The following PTPN12 variants were observed in gnomAD, a reference collection of about 807,000 sequenced individuals.
The protein encoded by PTPN12 is tyrosine-protein phosphatase non-receptor type 12.
PTPN12 carries 29 observed loss-of-function variants against 97.6 expected under a neutral mutation model. The observed-to-expected ratio is 0.30, with a 90% confidence interval of 0.22 to 0.41. The LOEUF (loss-of-function observed/expected upper bound fraction) is 0.41. PTPN12 is among the 10% of genes least tolerant of loss of function. The probability of loss-of-function intolerance (pLI) is 1.00; values close to 1 mark genes in which losing one functional copy is unlikely to be tolerated. For synonymous variants in PTPN12, 327 were observed against 300.4 expected, an observed-to-expected ratio of 1.09 and a Z score of -0.91; for missense variants, 819 against 926.0, an observed-to-expected ratio of 0.88 and a Z score of 1.50.
intron 1 of PTPN12, among the ~76,000 whole-genome samples, chr7:77,548,732 C>G (rs931895675): frequency 3.9e-5 from 6 of 152,134 alleles, no homozygotes; most frequent in Non-Finnish European, 8.8e-5. Context: ...TGGTTGCAGC[C>G]TACTTCCAAA....
intron 1 of PTPN12, among the ~76,000 whole-genome samples, chr7:77,543,901 T>G (rs1807103060): frequency 6.6e-6 from 1 of 152,248 alleles, no homozygotes; most frequent in Non-Finnish European, 1.5e-5. Context: ...ACATTTTGTT[T>G]ATCCATTCAT....
chr7:77,578,298 ATAT>A lies in PTPN12; in HGVS notation c.209-3127_209-3125del, dbSNP rs578017832. ...CAGCCATCATTATCCTAACCACTGA[ATAT>A]TCTATTCTCATTTTCCAGAGTCATA... On this transcript the variant is annotated intron_variant, in intron 2 of 17. Transcript: ENST00000248594. Among the ~76,000 whole-genome samples, 31 of 152,276 alleles carry A rather than the reference ATAT, an allele frequency of 2.0e-4. No individual in the cohort carries two copies. The East Asian group carries it at 4.2e-3, about 21-fold the overall frequency.
At chr7:77,555,292 C>T (rs1301347925) in intron 1 of PTPN12, among the ~76,000 whole-genome samples, 1 of 148,410 alleles carries the variant, frequency 6.7e-6, no homozygotes, top group Admixed American at 6.8e-5. Flanking sequence ...GATCAGTGTT[C>T]TCTGAGCTGC....
At chr7:77,556,228 G>T (rs949142847) in intron 1 of PTPN12, among the ~76,000 whole-genome samples, 1 of 151,876 alleles carries the variant, frequency 6.6e-6, no homozygotes, top group African/African-American at 2.4e-5. Flanking sequence ...GCCTGGCTAA[G>T]TTTTCATATT....
chr7:77,542,942 A>C (rs775273879), intron 1 of PTPN12, among the ~76,000 whole-genome samples: 1 of 152,172 alleles, frequency 6.6e-6, no homozygotes, highest in Non-Finnish European at 1.5e-5. Context: ...TATTCCAACA[A>C]ACTTATAGAG....
At chr7:77,546,662 G>A (rs1819814) in intron 1 of PTPN12, among the ~76,000 whole-genome samples, 33,235 of 152,110 alleles carry the variant, frequency 0.22, 4,673 homozygotes, top group East Asian at 0.7. Context: ...GACTGTATTA[G>A]TCCATTTTCA....
rs79424579 is a variant in PTPN12 at position 77,562,949 on chromosome 7, T to C, written c.100-8129T>C. On this transcript the variant is annotated intron_variant, in intron 1 of 17. Coordinates refer to ENST00000248594, the MANE Select transcript of PTPN12 (RefSeq NM_002835.4). ...AGAAAAAAATCATTTGCTTATTGTC[T>C]AGGCTATGCAAAAAAAAAAAAAGAA... is the stretch of plus-strand genomic sequence containing the variant. 3.7e-3 allele frequency among the ~76,000 whole-genome samples: 428 copies of C among 115,988 alleles called. 4 individuals are homozygous for C. Among genetic ancestry groups the C allele is most frequent in the African/African-American group, 0.016 (418 of 25,766 alleles). The allele number at this position is 115,988 out of a possible 152,430, so 76.1% of individuals were successfully genotyped here.
Position 77,639,373 on chromosome 7 carries a change from C to A in PTPN12, c.*93C>A. 2.0e-6 allele frequency: 2 copies of A among 1,018,572 alleles called. No homozygotes were observed. Among genetic ancestry groups the A allele is most frequent in the Non-Finnish European group, 3.0e-6 (2 of 669,392 alleles). 63.1% of individuals were successfully genotyped at this position (1,018,572 alleles called of 1,614,324 possible). ...AGTATTCCATCTTTAATATGTGGGACTAACAGCAGTGTAGATTGTTACCTT... is the reference window on the plus strand; with the variant it reads ...AGTATTCCATCTTTAATATGTGGGAATAACAGCAGTGTAGATTGTTACCTT... On this transcript the variant is annotated 3_prime_UTR_variant, in exon 18 of 18. Transcript: ENST00000248594.
chr7:77,613,492 A>G (rs1044653461), intron 11 of PTPN12, among the ~76,000 whole-genome samples: 1 of 151,880 alleles, frequency 6.6e-6, no homozygotes, highest in African/African-American at 2.4e-5. Context: ...ACTTTAATTG[A>G]AAAGCATTTC....
chr7:77,603,002 A>AATGCTCAT (rs1221837571), intron 8 of PTPN12, among the ~76,000 whole-genome samples: 1 of 152,222 alleles, frequency 6.6e-6, no homozygotes, highest in African/African-American at 2.4e-5. Flanking sequence ...GTTTGACCGT[A>AATGCTCAT]ATGCTCATAA....
chr7:77,561,076 G>GTTTTGTT lies in PTPN12; in HGVS notation c.100-9983_100-9977dup, dbSNP rs879315600. On this transcript the variant is annotated intron_variant, in intron 1 of 17. Transcript: ENST00000248594. The stretch of plus-strand genomic sequence containing the variant: ...AATACCTGTTATTCTGGCTTGTTTT[G>GTTTTGTT]TTTTGTTTTTTGTTTTTTGTTTTTT... Among the ~76,000 whole-genome samples, 13 of 152,110 alleles carry GTTTTGTT rather than the reference G, an allele frequency of 8.5e-5. No individual in the cohort carries two copies. In the East Asian group the frequency reaches 1.7e-3, roughly 20 times the overall value.
rs1789736945 is a variant in PTPN12 at position 77,639,930 on chromosome 7, C to T, written c.*650C>T. 2 of 152,298 alleles carry T rather than the reference C, an allele frequency of 1.3e-5. No individual in the cohort carries two copies. Among genetic ancestry groups the T allele is most frequent in the Non-Finnish European group, 2.9e-5 (2 of 67,980 alleles). 9.4% of individuals were successfully genotyped at this position (152,298 alleles called of 1,614,324 possible). A position where few individuals can be genotyped will look rare whatever the true frequency, so the allele number is the denominator to read the frequency against. ...ATCTAGTCAGAGATTCAGTAAGTGC[C>T]TTGGAACAATATTGAATTCTCTTAG... On this transcript the variant is annotated 3_prime_UTR_variant, in exon 18 of 18. Coordinates refer to ENST00000248594, the MANE Select transcript of PTPN12 (RefSeq NM_002835.4).
intron 8 of PTPN12, among the ~76,000 whole-genome samples, chr7:77,603,907 G>C (rs1175833208): frequency 8.6e-5 from 1 of 11,682 alleles, no homozygotes; most frequent in Non-Finnish European, 1.6e-4. Context: ...TTTTTTTTTT[G>C]AGACAGAGTC....
chr7:77,631,520 C>T (rs1428901407), intron 13 of PTPN12, among the ~76,000 whole-genome samples: 1 of 152,178 alleles, frequency 6.6e-6, no homozygotes, highest in African/African-American at 2.4e-5. Context: ...TGAGAGTTCA[C>T]ACACAGGATT....
chr7:77,569,343 A>G (rs973078682), intron 1 of PTPN12, among the ~76,000 whole-genome samples: 8 of 152,192 alleles, frequency 5.3e-5, no homozygotes, highest in Non-Finnish European at 1.2e-4. Context: ...TTTTTCAGAT[A>G]CTGTCATCTT....
At chr7:77,585,248 T>G (rs1787651682) in intron 4 of PTPN12, 1 of 208,054 alleles carries the variant, frequency 4.8e-6, no homozygotes, top group African/African-American at 2.3e-5. Context: ...AAGTGATATT[T>G]TAATATAATT....
chr7:77,541,441 A>G (rs1227409050), intron 1 of PTPN12, among the ~76,000 whole-genome samples: 1 of 152,108 alleles, frequency 6.6e-6, no homozygotes, highest in Non-Finnish European at 1.5e-5. Flanking sequence ...ATGTTTGAGT[A>G]TTTAGGTCAT....
At chr7:77,621,957 TTC>T (rs1174487895) in intron 12 of PTPN12, among the ~76,000 whole-genome samples, 3 of 152,146 alleles carry the variant, frequency 2.0e-5, no homozygotes, top group Admixed American at 1.3e-4. Flanking sequence ...TTCCAATTCT[TTC>T]TGTTTTATTT....
At chr7:77,616,895 G>T (rs1788770983) in intron 11 of PTPN12, among the ~76,000 whole-genome samples, 1 of 152,014 alleles carries the variant, frequency 6.6e-6, no homozygotes, top group Non-Finnish European at 1.5e-5. Flanking sequence ...TGATTCTCCT[G>T]CCTCAGCCTC....
Sources: allele counts gnomAD v4.1 joint callset (sites outside exome capture counted in the v4.1 genomes callset), GRCh38; gene constraint gnomAD v4.1.1; transcripts MANE v1.5; gene names NCBI Gene and HGNC (gene_info 2026-07-23, HGNC 2026-07-21).